BRAF: variants seen among roughly 807,000 people sequenced by gnomAD.
The protein encoded by BRAF is B-Raf proto-oncogene, serine/threonine kinase, also known as serine/threonine-protein kinase B-raf.
BRAF carries 16 observed loss-of-function variants against 104.6 expected under a neutral mutation model. The observed-to-expected ratio is 0.15, with a 90% CI of 0.10 to 0.23. The LOEUF (loss-of-function observed/expected upper bound fraction) is 0.23. Ranked by LOEUF, BRAF falls within the 10% of genes least tolerant of loss-of-function variation. The pLI, the probability that BRAF is intolerant of heterozygous loss-of-function variation, is 1.00. For missense variants in BRAF, 541 were observed against 937.3 expected, an observed-to-expected ratio of 0.58 and a Z score of 5.52; for synonymous variants, 310 against 341.6, an observed-to-expected ratio of 0.91 and a Z score of 1.02.
rs113801435 is a variant in BRAF, at chr7:140,899,228, C to T, written c.138+25338G>A. On this transcript the variant is annotated intron_variant, in intron 1 of 19. Transcript: ENST00000644969. ...ACCCCCCCACCCCTCAGCCCACTCC[C>T]GGCAGGAACTTGTTAAAAATGCAAA... Among the ~76,000 whole-genome samples, 150 of 149,366 alleles carry T rather than the reference C, an allele frequency of 1.0e-3. 1 individual carries two copies. Among genetic ancestry groups the T allele is most frequent in the African/African-American group, 3.6e-3 (144 of 40,322 alleles).
At chr7:140,874,337 G>T (rs1342552682) in intron 1 of BRAF, among the ~76,000 whole-genome samples, 1 of 151,572 alleles carries the variant, frequency 6.6e-6, no homozygotes, top group Non-Finnish European at 1.5e-5. Flanking sequence ...GGGTAGCTGG[G>T]ATTACAGGCA....
At chr7:140,825,114 C>T (rs1048618968) in intron 3 of BRAF, among the ~76,000 whole-genome samples, 7 of 151,704 alleles carry the variant, frequency 4.6e-5, no homozygotes, top group Non-Finnish European at 8.8e-5. Flanking sequence ...GGGTTACAGG[C>T]GCCTGCCACC....
chr7:140,719,241 TCA>T (rs900808444), downstream of BRAF: 7 of 490,150 alleles, frequency 1.4e-5, no homozygotes, highest in Non-Finnish European at 1.9e-5. Flanking sequence ...TGTACATTTC[TCA>T]GTCTCTCCAT....
At position 140,776,977 on chromosome 7, in the gene BRAF, G is replaced by T; in HGVS notation, c.1749C>A (p.Ile583=). ...EGSSLYHHLH[I]IETKFEMIKL... is the part of the protein sequence containing the mutation. ...TGATCATCTCAAATTTGGTCTCAAT[G>T]ATATGGAGATGGTGATACAAGCTGG... Residue 583 remains isoleucine (I), a synonymous_variant, in exon 14 of 20, where the codon ATC becomes ATA. Coordinates refer to ENST00000644969, the MANE Select transcript of BRAF (RefSeq NM_001374258.1). The T allele has an allele frequency of 6.2e-7, 1 of 1,613,504 alleles. No individual in the cohort carries two copies. The highest frequency in any genetic ancestry group is 8.5e-7 in the Non-Finnish European group (1 of 1,179,504).
chr7:140,904,107 T>G (rs1459793669), intron 1 of BRAF, among the ~76,000 whole-genome samples: 1 of 152,226 alleles, frequency 6.6e-6, no homozygotes, highest in Non-Finnish European at 1.5e-5. Flanking sequence ...CTGACTCTAA[T>G]TTTAAAAGCA....
downstream of BRAF, among the ~76,000 whole-genome samples, chr7:140,715,750 A>G (rs1163707001): frequency 6.6e-6 from 1 of 152,244 alleles, no homozygotes; most frequent in East Asian, 1.9e-4. Flanking sequence ...GATTTTAAGT[A>G]CAACATTTGA....
intron 3 of BRAF, among the ~76,000 whole-genome samples, chr7:140,828,427 G>A (rs1806319290): frequency 1.3e-5 from 2 of 152,106 alleles, no homozygotes; most frequent in African/African-American, 2.4e-5. Context: ...TTTTTCTATT[G>A]AGCTCAGCTA....
At chr7:140,775,554 G>C (rs1010617914) in intron 14 of BRAF, among the ~76,000 whole-genome samples, 2 of 151,472 alleles carry the variant, frequency 1.3e-5, no homozygotes, top group East Asian at 1.9e-4. Flanking sequence ...GGTCAGGCTA[G>C]TCTTGAACTC....
intron 8 of BRAF, among the ~76,000 whole-genome samples, chr7:140,792,772 C>T (rs571897372): frequency 2.6e-5 from 4 of 152,344 alleles, no homozygotes; most frequent in African/African-American, 9.6e-5. Flanking sequence ...AATTGCCTAA[C>T]ACAATGCATA....
chr7:140,730,650 C>T lies in BRAF; in HGVS notation c.2401+3967G>A, dbSNP rs1795888695. On this transcript the variant is annotated intron_variant, in intron 19 of 19. Transcript: ENST00000644969. Reference sequence around the variant, plus strand: ...AAGTGCTGGGATTACAGGTGTGAGCCACCACAACCGGCCATGCATTTTCAA... The same window carrying T: ...AAGTGCTGGGATTACAGGTGTGAGCTACCACAACCGGCCATGCATTTTCAA... 1 of 151,378 alleles carries T rather than the reference C, an allele frequency of 6.6e-6. No homozygotes were observed. The allele number at this position is 151,378 out of a possible 1,614,324, so 9.4% of individuals were successfully genotyped here.
chr7:140,763,233 G>A (rs945376978), intron 14 of BRAF, among the ~76,000 whole-genome samples: 3 of 151,902 alleles, frequency 2.0e-5, no homozygotes, highest in East Asian at 2.0e-4. Flanking sequence ...GGCCGGGCGG[G>A]GGGCTGACCC....
chr7:140,911,465 T>C (rs1286525681), intron 1 of BRAF, among the ~76,000 whole-genome samples: 3 of 152,112 alleles, frequency 2.0e-5, no homozygotes, highest in Non-Finnish European at 2.9e-5. Flanking sequence ...CAATACGATA[T>C]AGTGAGTAAA....
intron 1 of BRAF, among the ~76,000 whole-genome samples, chr7:140,850,490 G>C (rs1180137265): frequency 6.6e-6 from 1 of 152,022 alleles, no homozygotes; most frequent in Non-Finnish European, 1.5e-5. Flanking sequence ...CACATTCCCA[G>C]GCCCCCTTTC....
At chr7:140,848,049 T>C (rs1010956390) in intron 2 of BRAF, among the ~76,000 whole-genome samples, 1 of 152,204 alleles carries the variant, frequency 6.6e-6, no homozygotes, top group Non-Finnish European at 1.5e-5. Context: ...AGATTTAATT[T>C]TAATAAGTAG....
rs1013262317 is a variant in BRAF, at chr7:140,724,779, C to T, written c.*1715G>A. On this transcript the variant is annotated 3_prime_UTR_variant, in exon 20 of 20. Transcript: ENST00000644969. ...ATTTCTTTCAAGTCCTTGGCTATAG[C>T]TTGGTTGGTCTGATTTGATTTGTGT... The T allele has an allele frequency of 9.7e-7, 1 of 1,035,004 alleles. No homozygotes were observed. Among genetic ancestry groups the T allele is most frequent in the Non-Finnish European group, 1.2e-6 (1 of 860,086 alleles). 64.1% of individuals were successfully genotyped at this position (1,035,004 alleles called of 1,614,324 possible). A position where few individuals can be genotyped will look rare whatever the true frequency, so the allele number is the denominator to read the frequency against.
At chr7:140,778,130 T>A (rs2129019839) in intron 12 of BRAF, 55 bp from the exon 12 acceptor site, 1 of 1,535,850 alleles carries the variant, frequency 6.5e-7, no homozygotes, top group South Asian at 1.1e-5. Context: ...TTTAAAAGTA[T>A]AAAACATTCT....
At chr7:140,753,183 A>G (rs2128997867) in intron 16 of BRAF, 92 bp downstream of exon 15, 2 of 887,606 alleles carry the variant, frequency 2.3e-6, no homozygotes, top group Admixed American at 3.4e-5. Context: ...CTATGAAAAT[A>G]CTATAGTTGA....
chr7:140,738,423 T>C (rs1407549142), intron 18 of BRAF, among the ~76,000 whole-genome samples: 1 of 152,192 alleles, frequency 6.6e-6, no homozygotes, highest in Non-Finnish European at 1.5e-5. Flanking sequence ...TAAGAGTTCA[T>C]ACATGAACAC....
Position 140,794,561 on chromosome 7 carries a change from T to C in BRAF, c.981-94A>G, listed in dbSNP as rs1204777889. On this transcript the variant is annotated intron_variant, in intron 7 of 19. Coordinates refer to ENST00000644969, the MANE Select transcript of BRAF (RefSeq NM_001374258.1). ...GAAGATAAAAGGATTTTCTTGTTTT[T>C]ATATTCTCAAAATCATTAAAGCATT... The C allele has an allele frequency of 6.4e-6, 9 of 1,414,662 alleles. 1 individual carries two copies. In the South Asian group the frequency reaches 8.6e-5, roughly 14 times the overall value. The allele number at this position is 1,414,662 out of a possible 1,614,324, so 87.6% of individuals were successfully genotyped here. A position where few individuals can be genotyped will look rare whatever the true frequency, so the allele number is the denominator to read the frequency against.
Sources: allele counts gnomAD v4.1 joint callset (sites outside exome capture counted in the v4.1 genomes callset), GRCh38; gene constraint gnomAD v4.1.1; transcripts MANE v1.5; gene names NCBI Gene and HGNC (gene_info 2026-07-23, HGNC 2026-07-21).